Variants in PRKCE observed in about 807,000 individuals in gnomAD.
PRKCE encodes the protein protein kinase C epsilon type.
Under a neutral mutation model 85.4 loss-of-function variants are expected in PRKCE, and 16 were observed. That is an observed-to-expected ratio of 0.19 (90% CI 0.13 to 0.28). The LOEUF is 0.28. PRKCE is among the 10% of genes least tolerant of loss of function. PRKCE has a pLI of 1.00. For synonymous variants in PRKCE, 388 were observed against 371.5 expected (o/e 1.04, Z -0.51); for missense variants, 573 against 975.2 (o/e 0.59, Z 5.49).
At chr2:46,169,268 T>C (rs555285717) in intron 14 of PRKCE, among the ~76,000 whole-genome samples, 116 of 152,174 alleles carry the variant, frequency 7.6e-4, no homozygotes, top group Non-Finnish European at 1.4e-3. Flanking sequence ...CAGAATTAGG[T>C]TTGGCCTAAA....
At chr2:45,678,351 G>C (rs1676632681) in intron 1 of PRKCE, among the ~76,000 whole-genome samples, 1 of 152,178 alleles carries the variant, frequency 6.6e-6, no homozygotes, top group Non-Finnish European at 1.5e-5. Flanking sequence ...TACTGGTTGT[G>C]ATATATAATT....
intron 1 of PRKCE, among the ~76,000 whole-genome samples, chr2:45,681,108 C>T (rs992374744): frequency 2.0e-5 from 3 of 151,610 alleles, no homozygotes; most frequent in African/African-American, 4.8e-5. Flanking sequence ...GGCCAAGATG[C>T]TAAAACCCCG....
chr2:45,886,426 G>A (rs1032895256), intron 2 of PRKCE, among the ~76,000 whole-genome samples: 1 of 152,208 alleles, frequency 6.6e-6, no homozygotes, highest in Non-Finnish European at 1.5e-5. Flanking sequence ...GCTTAGAGGG[G>A]ACTTGGCATT....
chr2:46,144,991 T>TTTTG, intron 11 of PRKCE, 102 bp from the exon 12 acceptor site: 2 of 1,527,564 alleles, frequency 1.3e-6, no homozygotes, highest in Non-Finnish European at 1.8e-6. Context: ...TTCAGGACTT[T>TTTTG]TTTGCTGGAG....
rs549508906 is a variant in PRKCE at position 46,169,718 on chromosome 2, C to CT, written c.2067+9967dup. ...CCTAGCGCAGCAGCTGACATATCAG[C>CT]TAGTGTTGGCAGTAACAGGATTTGC... On this transcript the variant is annotated intron_variant, in intron 14 of 14. Transcript: ENST00000306156. Among the ~76,000 whole-genome samples, 229 of 152,296 alleles carry CT rather than the reference C, an allele frequency of 1.5e-3. 1 individual carries two copies. The highest frequency in any genetic ancestry group is 5.4e-3 in the African/African-American group (223 of 41,556).
intron 14 of PRKCE, among the ~76,000 whole-genome samples, chr2:46,179,923 C>T (rs78733820): frequency 1.4e-3 from 218 of 152,278 alleles, no homozygotes; most frequent in African/African-American, 5.0e-3. Context: ...ACCCAGATCA[C>T]GTTACTGGCT....
At chr2:45,706,888 T>A (rs1679158842) in intron 1 of PRKCE, among the ~76,000 whole-genome samples, 1 of 152,206 alleles carries the variant, frequency 6.6e-6, no homozygotes, top group Non-Finnish European at 1.5e-5. Context: ...AGAAGGCAAC[T>A]GGGGCAGAGG....
intron 9 of PRKCE, among the ~76,000 whole-genome samples, chr2:46,009,674 G>C (rs1319715660): frequency 2.0e-5 from 3 of 152,110 alleles, no homozygotes; most frequent in Non-Finnish European, 4.4e-5. Context: ...TAATCCAAGA[G>C]AAATTGTTTT....
chr2:45,689,058 C>T (rs779873059), intron 1 of PRKCE, among the ~76,000 whole-genome samples: 18 of 152,080 alleles, frequency 1.2e-4, no homozygotes, highest in Non-Finnish European at 2.4e-4. Context: ...TGCTGTGGGG[C>T]GTGCTTTGTT....
chr2:45,744,421 C>CTT (rs1159377055), intron 1 of PRKCE, among the ~76,000 whole-genome samples: 3 of 14,610 alleles, frequency 2.1e-4, no homozygotes, highest in African/African-American at 5.6e-4. Context: ...TCTTTTCTTT[C>CTT]TTTCTTTCTT....
At chr2:46,025,519 C>T (rs1052570632) in intron 10 of PRKCE, among the ~76,000 whole-genome samples, 2 of 152,176 alleles carry the variant, frequency 1.3e-5, no homozygotes, top group African/African-American at 4.8e-5. Context: ...GATGAGTGGG[C>T]TGACTAGTAG....
chr2:45,782,840 T>C (rs1686303500), intron 1 of PRKCE, among the ~76,000 whole-genome samples: 1 of 152,174 alleles, frequency 6.6e-6, no homozygotes, highest in Non-Finnish European at 1.5e-5. Flanking sequence ...ATCCACATGT[T>C]GGCATGTGAT....
intron 1 of PRKCE, among the ~76,000 whole-genome samples, chr2:45,772,740 A>G (rs1573294616): frequency 1.3e-5 from 2 of 152,194 alleles, no homozygotes; most frequent in Middle Eastern, 3.4e-3. Context: ...GTGGGTTCTA[A>G]GGAGCAAGCT....
At chr2:45,722,304 T>A (rs1019737715) in intron 1 of PRKCE, among the ~76,000 whole-genome samples, 3 of 152,140 alleles carry the variant, frequency 2.0e-5, no homozygotes, top group Non-Finnish European at 4.4e-5. Flanking sequence ...TTCATAGGAG[T>A]CAGCTGGATT....
intron 2 of PRKCE, among the ~76,000 whole-genome samples, chr2:45,858,154 G>A (rs186982978): frequency 2.4e-4 from 37 of 152,324 alleles, no homozygotes; most frequent in African/African-American, 8.4e-4. Context: ...TACAGATGTT[G>A]CTCAGGCCAC....
chr2:45,840,581 G>A (rs775876836), intron 1 of PRKCE: 1 of 152,246 alleles, frequency 6.6e-6, no homozygotes, highest in Non-Finnish European at 1.5e-5. Context: ...TGCCCAGGGG[G>A]CAATGCAGGC....
At chr2:45,923,294 T>G (rs996355696) in intron 2 of PRKCE, among the ~76,000 whole-genome samples, 7 of 152,204 alleles carry the variant, frequency 4.6e-5, no homozygotes, top group African/African-American at 1.4e-4. Context: ...TTTTGACAGC[T>G]TTCAGATAGG....
rs70937991 is a variant in PRKCE at position 46,123,214 on chromosome 2, C to CTTTTTTTTTTTT, written c.1593-21861_1593-21850dup. ...AAGCTTTACAAAGGAAAACACTTGCCTTTTTTTTTTTTTTTTTTTTTTTTT... is the reference window on the plus strand; with the variant it reads ...AAGCTTTACAAAGGAAAACACTTGCCTTTTTTTTTTTTTTTTTTTTTTTTTTTTTTTTTTTTT... On this transcript the variant is annotated intron_variant, in intron 11 of 14. Transcript: ENST00000306156. Among the ~76,000 whole-genome samples, 11 of 27,368 alleles carry CTTTTTTTTTTTT rather than the reference C, an allele frequency of 4.0e-4. 3 individuals are homozygous for CTTTTTTTTTTTT. Among genetic ancestry groups the CTTTTTTTTTTTT allele is most frequent in the African/African-American group, 7.6e-4 (6 of 7,910 alleles). 18.0% of individuals were successfully genotyped at this position (27,368 alleles called of 152,430 possible).
chr2:46,143,955 C>G (rs761422161), intron 11 of PRKCE, among the ~76,000 whole-genome samples: 2 of 152,204 alleles, frequency 1.3e-5, no homozygotes, highest in African/African-American at 4.8e-5. Flanking sequence ...GCAGACCCCT[C>G]CTGCTTTCTG....
Sources: allele counts gnomAD v4.1 joint callset (sites outside exome capture counted in the v4.1 genomes callset), GRCh38; gene constraint gnomAD v4.1.1; transcripts MANE v1.5; gene names NCBI Gene and HGNC (gene_info 2026-07-23, HGNC 2026-07-21).